NUMBL: variants seen among roughly 807,000 people sequenced by gnomAD.
NUMBL encodes the protein numb-like protein.
NUMBL carries 20 observed loss-of-function variants against 48.9 expected under a neutral mutation model. The observed-to-expected ratio is 0.41, with a 90% CI of 0.29 to 0.59. The LOEUF (loss-of-function observed/expected upper bound fraction) is 0.59, where lower values mean the gene tolerates loss of function less well. Ranked by LOEUF, NUMBL falls within the 20% of genes least tolerant of loss-of-function variation. NUMBL has a pLI of 0.31. For synonymous variants in NUMBL, 340 were observed against 348.7 expected (o/e 0.98, Z 0.28); for missense variants, 660 against 846.2 (o/e 0.78, Z 2.73).
chr19:40,690,603 G>A lies in NUMBL; in HGVS notation c.-120C>T, dbSNP rs1270624919. 8.4e-6 allele frequency: 4 copies of A among 478,068 alleles called. No individual in the cohort carries two copies. Among genetic ancestry groups the A allele is most frequent in the East Asian group, 4.0e-5 (1 of 25,240 alleles). 29.6% of individuals were successfully genotyped at this position (478,068 alleles called of 1,614,324 possible). On this transcript the variant is annotated 5_prime_UTR_variant, in exon 1 of 10. Coordinates refer to ENST00000252891, the MANE Select transcript of NUMBL (RefSeq NM_004756.5). The stretch of plus-strand genomic sequence containing the variant: ...CGCCGGCCAGGGCCCGGGGCCGGGG[G>A]ATGGTGCGGGATGCACGCGCGCGAG...
intron 5 of NUMBL, among the ~76,000 whole-genome samples, chr19:40,681,958 C>A (rs2081907532): frequency 6.6e-6 from 1 of 152,082 alleles, no homozygotes; most frequent in African/African-American, 2.4e-5. Context: ...CAGGCGTGAG[C>A]CACCGTGCCC....
chr19:40,680,961 T>C lies in NUMBL; in HGVS notation c.496A>G (p.Thr166Ala). The change falls in exon 6 of 10, where the codon ACC becomes GCC. Residue 166 changes from threonine (T) to alanine (A), a missense_variant. By Grantham distance (58) the Thr-to-Ala change is moderately conservative. Transcript: ENST00000252891. ...AAACAGTGGCAGATCCAGCGGCGGGTAGTCCCGTCACGACAGATATAGGAG... is the reference window on the plus strand; with the variant it reads ...AAACAGTGGCAGATCCAGCGGCGGGCAGTCCCGTCACGACAGATATAGGAG... Reference protein sequence around the residue: ...AFSYICRDGTTRRWICHCFLA... With the variant: ...AFSYICRDGTARRWICHCFLA... 1 of 1,612,586 alleles carries C rather than the reference T, an allele frequency of 6.2e-7. No homozygotes were observed. Among genetic ancestry groups the C allele is most frequent in the Non-Finnish European group, 8.5e-7 (1 of 1,179,480 alleles).
In NUMBL at chr19:40,667,501, G is replaced by A. The variant is rs751449621; in HGVS notation, c.1797C>T (p.Gly599=). The change falls in exon 10 of 10, where the codon GGC becomes GGT. Residue 599 remains glycine, a synonymous_variant. Transcript: ENST00000252891. The surrounding 1 kb of genome is among the most constrained non-coding windows in gnomAD (Gnocchi z 6.1). ...TVEKPSNPFS[G]DLQKTFEIEL ...CAATCTCGAATGTCTTTTGCAGGTC[G>A]CCAGAAAAGGGGTTGGAGGGTTTCT... is the stretch of plus-strand genomic sequence containing the variant. 5.0e-6 allele frequency: 8 copies of A among 1,596,958 alleles called. No homozygotes were observed. The highest frequency in any genetic ancestry group is 1.7e-4 in the Middle Eastern group (1 of 6,016).
At chr19:40,668,695 G>A (rs1294467294) in intron 9 of NUMBL, among the ~76,000 whole-genome samples, 1 of 152,158 alleles carries the variant, frequency 6.6e-6, no homozygotes, top group African/African-American at 2.4e-5. Context: ...CCTACCTCAA[G>A]TAATCCCCCT....
intron 5 of NUMBL, among the ~76,000 whole-genome samples, chr19:40,681,499 G>T (rs577033543): frequency 1.2e-4 from 18 of 152,220 alleles, no homozygotes; most frequent in Non-Finnish European, 1.9e-4. Context: ...CATGTCCTGG[G>T]CACCTCCTAG....
rs1348065588 is a variant in NUMBL at position 40,687,176 on chromosome 19, G to A, written c.25-181C>T. ...CACCTGGTTCCAAGGGCCCAGGAAG[G>A]AGTAGGTATGTTTGGGGGGCATATG... On this transcript the variant is annotated intron_variant, in intron 1 of 9. Coordinates refer to ENST00000252891, the MANE Select transcript of NUMBL (RefSeq NM_004756.5). The surrounding 1 kb of genome is among the most constrained non-coding windows in gnomAD (Gnocchi z 4.6). Among the ~76,000 whole-genome samples the A allele has an allele frequency of 6.6e-6, 1 of 152,200 alleles. No homozygotes were observed. The highest frequency in any genetic ancestry group is 1.5e-5 in the Non-Finnish European group (1 of 68,018).
chr19:40,669,970 G>A lies in NUMBL; in HGVS notation c.1087C>T (p.Leu363=). 1.2e-6 allele frequency: 2 copies of A among 1,614,124 alleles called. No homozygotes were observed. The highest frequency in any genetic ancestry group is 1.7e-6 in the Non-Finnish European group (2 of 1,180,000). ...AAAGATGAACTGATCTGTGTGCACA[G>A]AGCGTTGATGCTGTCACTGTCGCCG... ...GAGDSDSINA[L]CTQISSSFAS... The change falls in exon 9 of 10, where the codon CTG becomes TTG. Residue 363 remains leucine, a synonymous_variant. Coordinates refer to ENST00000252891, the MANE Select transcript of NUMBL (RefSeq NM_004756.5).
At chr19:40,668,170 G>C in intron 9 of NUMBL, 32 bp from the exon 10 acceptor site, 1 of 1,549,312 alleles carries the variant, frequency 6.5e-7, no homozygotes, top group Non-Finnish European at 8.7e-7. Context: ...GTGAGGGAGG[G>C]GGCAACGGCT....
rs140415369 is a variant in NUMBL at position 40,669,930 on chromosome 19, G to A, written c.1127C>T (p.Ala376Val). ...QISSSFASAG[A>V]PAPGPPPATT... ...GGCAGGTGGTGGCCCTGGTGCTGGCGCTCCAGCACTGGCAAAAGATGAACT... is the reference window on the plus strand; with the variant it reads ...GGCAGGTGGTGGCCCTGGTGCTGGCACTCCAGCACTGGCAAAAGATGAACT... The change falls in exon 9 of 10, where the codon GCG becomes GTG. Residue 376 changes from alanine to valine, a missense_variant. Ala to Val is a moderately conservative substitution (Grantham distance 64, BLOSUM62 0). Coordinates refer to ENST00000252891, the MANE Select transcript of NUMBL (RefSeq NM_004756.5). 90 of 1,613,832 alleles carry A rather than the reference G, an allele frequency of 5.6e-5. 1 individual carries two copies. The highest frequency in any genetic ancestry group is 2.7e-4 in the Admixed American group (16 of 59,982).
In NUMBL at chr19:40,687,123, C is replaced by T; in HGVS notation, c.25-128G>A. On this transcript the variant is annotated intron_variant, in intron 1 of 9. Transcript: ENST00000252891. The surrounding 1 kb of genome is among the most constrained non-coding windows in gnomAD (Gnocchi z 4.6). ...GCTCCCTGATGAGAGTCCTAGTTGT[C>T]CTAGCAACTGTTACCAGGGAGATCA... 3.4e-6 allele frequency: 2 copies of T among 591,872 alleles called. No individual in the cohort carries two copies. The highest frequency in any genetic ancestry group is 4.1e-5 in the South Asian group (2 of 48,316). The allele number at this position is 591,872 out of a possible 1,614,324, so 36.7% of individuals were successfully genotyped here.
At chr19:40,683,066 T>A (rs1007661985) in intron 3 of NUMBL, 98 bp from the exon 4 acceptor site, 2 of 1,053,362 alleles carry the variant, frequency 1.9e-6, no homozygotes, top group African/African-American at 1.6e-5. Flanking sequence ...GACAATATTT[T>A]AAGCACATGA....
In NUMBL at chr19:40,677,251, C is replaced by T. The variant is rs986386498; in HGVS notation, c.711G>A (p.Glu237=). 1 of 1,571,954 alleles carries T rather than the reference C, an allele frequency of 6.4e-7. No homozygotes were observed. Among genetic ancestry groups the T allele is most frequent in the Non-Finnish European group, 8.6e-7 (1 of 1,159,466 alleles). The stretch of plus-strand genomic sequence containing the variant: ...ACCCACCTTTCTTCTTGTCCGGGGC[C>T]TCTCGCTCAGCAGGCCGCCCACCCC... ...LSGGGRPAER[E]APDKKKAEAA... Residue 237 remains glutamate (E), a synonymous_variant, in exon 7 of 10, where the codon GAG becomes GAA. Coordinates refer to ENST00000252891, the MANE Select transcript of NUMBL (RefSeq NM_004756.5).
intron 8 of NUMBL, among the ~76,000 whole-genome samples, 160 bp from the exon 9 acceptor site, chr19:40,670,180 G>A (rs916520316): frequency 6.6e-6 from 1 of 152,176 alleles, no homozygotes; most frequent in Non-Finnish European, 1.5e-5. Context: ...GCATATGTGT[G>A]TGTCACATCT....
rs187394779 is a variant in NUMBL, at chr19:40,677,213, C to T, written c.730+19G>A. 3.0e-5 allele frequency: 46 copies of T among 1,549,530 alleles called. 1 individual carries two copies. Among genetic ancestry groups the T allele is most frequent in the Admixed American group, 2.5e-4 (13 of 51,012 alleles). ...CTGTGCCCACTCTGTGCTCTGCTGGCGCTTGGGGCAACACCCACCTTTCTT... is the reference window on the plus strand; with the variant it reads ...CTGTGCCCACTCTGTGCTCTGCTGGTGCTTGGGGCAACACCCACCTTTCTT... On this transcript the variant is annotated intron_variant, in intron 7 of 9. Coordinates refer to ENST00000252891, the MANE Select transcript of NUMBL (RefSeq NM_004756.5).
rs150484274 is a variant in NUMBL at position 40,673,885 on chromosome 19, T to G, written c.731-236A>C. The stretch of plus-strand genomic sequence containing the variant: ...GGCTCACCCTCTGTGTCTCTCCAGC[T>G]TCCTGCCCCTTTCTGTCTTGCCCTG... On this transcript the variant is annotated intron_variant, in intron 7 of 9. Coordinates refer to ENST00000252891, the MANE Select transcript of NUMBL (RefSeq NM_004756.5). The surrounding 1 kb of genome is among the most constrained non-coding windows in gnomAD (Gnocchi z 5.9). Among the ~76,000 whole-genome samples the G allele has an allele frequency of 2.0e-5, 3 of 152,240 alleles. No homozygotes were observed. The East Asian group carries it at 5.8e-4, about 29-fold the overall frequency.
chr19:40,684,433 C>A lies in NUMBL; in HGVS notation c.233G>T (p.Cys78Phe). The A allele has an allele frequency of 6.4e-7, 1 of 1,571,228 alleles. No individual in the cohort carries two copies. The highest frequency in any genetic ancestry group is 8.6e-7 in the Non-Finnish European group (1 of 1,162,162). ...CCCACTCACCCTGACCGGGAAGCTGCACGTGCCCTTCCGCACCGCGTCCTC... is the reference window on the plus strand; with the variant it reads ...CCCACTCACCCTGACCGGGAAGCTGAACGTGCCCTTCCGCACCGCGTCCTC... ...ADEDAVRKGT[C>F]SFPVRYLGHV... The change falls in exon 3 of 10, where the codon TGC becomes TTC. Residue 78 changes from cysteine to phenylalanine, a missense_variant. Physicochemically the swap from Cys to Phe is radical, Grantham distance 205. Around this residue, in one of 3 missense-constraint regions of NUMBL, gnomAD observed 278 missense variants for 420.6 expected, o/e 0.66. Transcript: ENST00000252891.
chr19:40,687,432 C>A lies in NUMBL; in HGVS notation c.25-437G>T, dbSNP rs904001739. ...AAACAGTCCCAAACCCAGAAAGCTG[C>A]CACTGTAAACATCTGGCCGCATATT... On this transcript the variant is annotated intron_variant, in intron 1 of 9. Coordinates refer to ENST00000252891, the MANE Select transcript of NUMBL (RefSeq NM_004756.5). This position sits in a 1 kb window ranked among gnomAD's most constrained non-coding sequence, Gnocchi z 4.6. 6.6e-6 allele frequency among the ~76,000 whole-genome samples: 1 copy of A among 152,190 alleles called. No individual in the cohort carries two copies. The highest frequency in any genetic ancestry group is 1.5e-5 in the Non-Finnish European group (1 of 68,032).
chr19:40,667,969 TTGCTGC>T lies in NUMBL; in HGVS notation c.1323_1328del (p.Gln445_Gln446del), dbSNP rs752962959. 28 of 1,471,382 alleles carry T rather than the reference TTGCTGC, an allele frequency of 1.9e-5. No homozygotes were observed. Among genetic ancestry groups the T allele is most frequent in the East Asian group, 5.0e-5 (2 of 40,124 alleles). The allele number at this position is 1,471,382 out of a possible 1,614,324, so 91.1% of individuals were successfully genotyped here. On this transcript the variant is annotated inframe_deletion, in exon 10 of 10. Coordinates refer to ENST00000252891, the MANE Select transcript of NUMBL (RefSeq NM_004756.5). This position sits in a 1 kb window ranked among gnomAD's most constrained non-coding sequence, Gnocchi z 6.1. ...GGGCCACTGAGGCTGCTTGCTGCTG[TTGCTGC>T]TGCTGCTGCTGCTGCTGTTGCTGTT...
chr19:40,677,995 A>G (rs533311815), intron 6 of NUMBL, among the ~76,000 whole-genome samples: 1 of 152,276 alleles, frequency 6.6e-6, no homozygotes, highest in East Asian at 1.9e-4. Context: ...CGTTGACTGT[A>G]CACCAAAGGC....
Sources: gnomAD v4.1 joint callset for allele counts (sites outside exome capture counted in the v4.1 genomes callset) on GRCh38, gnomAD v4.1.1 for gene constraint, gnomAD v4.1.1 regional missense constraint, Gnocchi (gnomAD v3.1) non-coding constraint, MANE v1.5 for transcripts, NCBI Gene and HGNC (gene_info 2026-07-23, HGNC 2026-07-21) for gene names.